ANTXR2: variants seen among roughly 807,000 people sequenced by gnomAD.
ANTXR2 encodes anthrax toxin receptor 2.
ANTXR2 carries 44 observed loss-of-function variants against 73.7 expected under a neutral mutation model. The observed-to-expected ratio is 0.60, with a 90% CI of 0.47 to 0.77. ANTXR2 has a LOEUF of 0.77. Ranked by LOEUF, ANTXR2 falls within the 30% of genes least tolerant of loss-of-function variation. The pLI is 0.00. For missense variants in ANTXR2, 604 were observed against 592.5 expected (o/e 1.02, Z -0.20); for synonymous variants, 217 against 205.9 (o/e 1.05, Z -0.46).
intron 16 of ANTXR2, among the ~76,000 whole-genome samples, chr4:79,913,992 T>C (rs1727248931): frequency 2.0e-5 from 3 of 152,192 alleles, no homozygotes; most frequent in African/African-American, 4.8e-5. Context: ...TATCTGTATA[T>C]ATAGACTTGA....
At chr4:79,996,517 C>A (rs1730738745) in intron 12 of ANTXR2, among the ~76,000 whole-genome samples, 1 of 151,796 alleles carries the variant, frequency 6.6e-6, no homozygotes, top group African/African-American at 2.4e-5. Flanking sequence ...GGACGAGAAA[C>A]AAAATGGTTT....
At chr4:79,990,252 G>T (rs892085041) in intron 12 of ANTXR2, among the ~76,000 whole-genome samples, 1 of 151,550 alleles carries the variant, frequency 6.6e-6, no homozygotes, top group East Asian at 1.9e-4. Context: ...CTTTCAAAAA[G>T]TTCCTGGACC....
intron 16 of ANTXR2, among the ~76,000 whole-genome samples, chr4:79,926,976 T>TACACATGTGCATGTATGTGTATATATAC (rs1553925982): frequency 2.2e-5 from 2 of 90,592 alleles, no homozygotes; most frequent in African/African-American, 1.2e-4. Flanking sequence ...TGTGTATATA[T>TACACATGTGCATGTATGTGTATATATAC]ACGTGTGCAT....
intron 7 of ANTXR2, among the ~76,000 whole-genome samples, chr4:80,052,475 CA>C (rs904015653): frequency 1.3e-5 from 2 of 151,674 alleles, no homozygotes; most frequent in Non-Finnish European, 3.0e-5. Flanking sequence ...AACCATTAAT[CA>C]AACCAGGTTT....
intron 10 of ANTXR2, among the ~76,000 whole-genome samples, chr4:80,029,784 C>T (rs1338502561): frequency 6.6e-6 from 1 of 151,496 alleles, no homozygotes; most frequent in Admixed American, 6.6e-5. Context: ...CAAGCAGAGG[C>T]AACAAGAAGT....
intron 16 of ANTXR2, among the ~76,000 whole-genome samples, chr4:79,955,979 G>C (rs1728870833): frequency 6.6e-6 from 1 of 152,144 alleles, no homozygotes; most frequent in African/African-American, 2.4e-5. Flanking sequence ...GAATATATAA[G>C]CTAGTTCATC....
At chr4:79,979,587 A>G (rs1729796653) in intron 14 of ANTXR2, among the ~76,000 whole-genome samples, 1 of 152,162 alleles carries the variant, frequency 6.6e-6, no homozygotes, top group South Asian at 2.1e-4. Flanking sequence ...GGCCCTGTTG[A>G]GTCATTAAAA....
At chr4:79,947,301 C>A (rs1728551410) in intron 16 of ANTXR2, among the ~76,000 whole-genome samples, 1 of 152,080 alleles carries the variant, frequency 6.6e-6, no homozygotes, top group Non-Finnish European at 1.5e-5. Context: ...GCTACCCCCT[C>A]TTATAACTGA....
At chr4:79,998,529 A>G (rs942664263) in intron 12 of ANTXR2, among the ~76,000 whole-genome samples, 1 of 152,052 alleles carries the variant, frequency 6.6e-6, no homozygotes, top group Non-Finnish European at 1.5e-5. Flanking sequence ...TCCTATCCTG[A>G]TTAGTAAAAC....
chr4:80,036,899 T>G (rs10025605), intron 7 of ANTXR2, among the ~76,000 whole-genome samples: 1 of 152,002 alleles, frequency 6.6e-6, no homozygotes, highest in East Asian at 1.9e-4. Context: ...TCCCTCTTAC[T>G]TGCATAAAAA....
rs554235591 is a variant in ANTXR2, at chr4:80,054,884, A to C, written c.555+266T>G. On this transcript the variant is annotated intron_variant, in intron 6 of 16. Transcript: ENST00000403729. Reference sequence around the variant, plus strand: ...CATTTTGTCAATTGAGTTAAGAGAAATATGTGTATCATTTCAAGCCAAATG... The same window carrying C: ...CATTTTGTCAATTGAGTTAAGAGAACTATGTGTATCATTTCAAGCCAAATG... 2.6e-5 allele frequency among the ~76,000 whole-genome samples: 4 copies of C among 151,646 alleles called. No homozygotes were observed. In the South Asian group the frequency reaches 8.3e-4, roughly 31 times the overall value.
chr4:80,025,663 A>G (rs1732396873), intron 10 of ANTXR2, among the ~76,000 whole-genome samples: 2 of 152,214 alleles, frequency 1.3e-5, no homozygotes, highest in African/African-American at 4.8e-5. Flanking sequence ...TATGAATGAT[A>G]AAGATTTTAA....
intron 16 of ANTXR2, among the ~76,000 whole-genome samples, chr4:79,933,989 C>T (rs1490517494): frequency 6.6e-6 from 1 of 151,994 alleles, no homozygotes; most frequent in East Asian, 1.9e-4. Context: ...CCGCCCGCCT[C>T]GGCCTCCCAA....
At chr4:80,023,912 T>C (rs1456479068) in intron 10 of ANTXR2, among the ~76,000 whole-genome samples, 2 of 152,082 alleles carry the variant, frequency 1.3e-5, no homozygotes, top group Non-Finnish European at 2.9e-5. Flanking sequence ...GTCTTAAGAG[T>C]TTTAAGTTTG....
chr4:79,954,072 A>C (rs930453951), intron 16 of ANTXR2, among the ~76,000 whole-genome samples: 30 of 152,216 alleles, frequency 2.0e-4, no homozygotes, highest in African/African-American at 7.2e-4. Flanking sequence ...CAGAATTTAC[A>C]CGAACTAAAT....
intron 12 of ANTXR2, among the ~76,000 whole-genome samples, chr4:80,005,585 G>A (rs1181176934): frequency 1.3e-5 from 2 of 151,988 alleles, no homozygotes; most frequent in African/African-American, 4.8e-5. Flanking sequence ...TTTTCCACAA[G>A]GTTATTGTCA....
At chr4:80,037,238 T>C (rs192027532) in intron 7 of ANTXR2, among the ~76,000 whole-genome samples, 1 of 152,294 alleles carries the variant, frequency 6.6e-6, no homozygotes, top group African/African-American at 2.4e-5. Context: ...CAGCAGTTTC[T>C]AGCATCTCCT....
At chr4:79,929,196 A>C (rs1457959678) in intron 16 of ANTXR2, among the ~76,000 whole-genome samples, 1 of 152,104 alleles carries the variant, frequency 6.6e-6, no homozygotes, top group African/African-American at 2.4e-5. Flanking sequence ...ATAAAATATA[A>C]AAAAATAAAA....
intron 16 of ANTXR2, among the ~76,000 whole-genome samples, chr4:79,958,137 T>C (rs1445381699): frequency 4.6e-5 from 7 of 152,044 alleles, no homozygotes; most frequent in Non-Finnish European, 8.8e-5. Flanking sequence ...TAATCTGATG[T>C]TTCCTCTTCA....
Sources: allele counts gnomAD v4.1 joint callset (sites outside exome capture counted in the v4.1 genomes callset), GRCh38; gene constraint gnomAD v4.1.1; transcripts MANE v1.5; gene names NCBI Gene and HGNC (gene_info 2026-07-23, HGNC 2026-07-21).